Variants in BBS7 observed in about 807,000 individuals in gnomAD.
BBS7 encodes BBSome complex member BBS7.
Under a neutral mutation model 90.3 loss-of-function variants are expected in BBS7, and 50 were observed. That is an observed-to-expected ratio of 0.55 (90% CI 0.44 to 0.70). The LOEUF is 0.70. Ranked by LOEUF, BBS7 falls within the 30% of genes least tolerant of loss-of-function variation. BBS7 has a pLI of 0.00. For missense variants in BBS7, 729 were observed against 838.9 expected, an observed-to-expected ratio of 0.87 and a Z score of 1.62; for synonymous variants, 235 against 287.4, an observed-to-expected ratio of 0.82 and a Z score of 1.85.
chr4:121,847,028 T>A (rs1025403898), intron 10 of BBS7, among the ~76,000 whole-genome samples: 1 of 151,932 alleles, frequency 6.6e-6, no homozygotes, highest in African/African-American at 2.4e-5. Context: ...TTCAGAAGGG[T>A]CCACAGGAAC....
intron 2 of BBS7, among the ~76,000 whole-genome samples, chr4:121,866,616 T>TG (rs1289105569): frequency 2.0e-5 from 3 of 152,060 alleles, no homozygotes; most frequent in Non-Finnish European, 4.4e-5. Flanking sequence ...GGGTGAGAGG[T>TG]GGGGGTCTTG....
chr4:121,850,500 C>T (rs80072303), intron 8 of BBS7, among the ~76,000 whole-genome samples: 7,104 of 152,076 alleles, frequency 0.047, 531 homozygotes, highest in African/African-American at 0.16. Context: ...TCTAGGTAAG[C>T]GGCTTTCAAG....
chr4:121,858,052 C>T (rs905389776), intron 5 of BBS7, among the ~76,000 whole-genome samples: 3 of 152,120 alleles, frequency 2.0e-5, no homozygotes, highest in African/African-American at 7.2e-5. Flanking sequence ...ATGATCTTCC[C>T]GTCTCAGCCT....
At chr4:121,833,806 GT>G (rs1725316134) in intron 14 of BBS7, among the ~76,000 whole-genome samples, 1 of 151,872 alleles carries the variant, frequency 6.6e-6, no homozygotes, top group Non-Finnish European at 1.5e-5. Context: ...GCTTCCCAAA[GT>G]GCTGGGATTA....
At chr4:121,863,450 GAGA>G (rs1727093417) in intron 2 of BBS7, among the ~76,000 whole-genome samples, 171 bp from the exon 3 acceptor site, 1 of 152,124 alleles carries the variant, frequency 6.6e-6, no homozygotes, top group African/African-American at 2.4e-5. Flanking sequence ...AGAGCCAAAA[GAGA>G]AGGATATGGA....
Position 121,835,232 on chromosome 4 carries a change from T to G in BBS7, c.1423A>C (p.Arg475=), listed in dbSNP as rs749558405. 1 of 1,613,934 alleles carries G rather than the reference T, an allele frequency of 6.2e-7. No homozygotes were observed. The highest frequency in any genetic ancestry group is 1.7e-4 in the Middle Eastern group (1 of 6,060). The change falls in exon 14 of 19, where the codon AGA becomes CGA. Residue 475 remains arginine, a synonymous_variant. Transcript: ENST00000264499. ...ACCTGACAGGTTTTGGGTTGAATTC[T>G]TGGAGTCACATATGCTTGTAGTGTG... ...YGTLQAYVTP[R]IQPKTCQVRQ... is the part of the protein sequence containing the mutation.
At position 121,828,198 on chromosome 4, in the gene BBS7, A is replaced by T. The variant is rs1257744159; in HGVS notation, c.1962T>A (p.Asp654Glu). The change falls in exon 18 of 19, where the codon GAT becomes GAA. Residue 654 changes from aspartate to glutamate, a missense_variant. By Grantham distance (45) the Asp-to-Glu change is conservative. Coordinates refer to ENST00000264499, the MANE Select transcript of BBS7 (RefSeq NM_176824.3). ...GCTTTTTGTATTCTTCCTGTAGGTG[A>T]TCTGCCTCTTCTAGAATACAGTGAT... ...PEYHCILEEA[D>E]HLQEEYKKQP... is the part of the protein sequence containing the mutation. 2 of 1,613,878 alleles carry T rather than the reference A, an allele frequency of 1.2e-6. No individual in the cohort carries two copies. Among genetic ancestry groups the T allele is most frequent in the South Asian group, 2.2e-5 (2 of 91,078 alleles).
rs1726075423 is a variant in BBS7, at chr4:121,847,496, T to G, written c.945A>C (p.Thr315=). The part of the protein sequence containing the change: ...IVVSTYSGWV[T]GLTTEPIHKE... Reference sequence around the variant, plus strand: ...TATGAATGGGCTCTGTTGTCAGACCTGTAACCCAGCCTGTAGAGATGAATT... The same window carrying G: ...TATGAATGGGCTCTGTTGTCAGACCGGTAACCCAGCCTGTAGAGATGAATT... Residue 315 remains threonine (T), a synonymous_variant, in exon 10 of 19, where the codon ACA becomes ACC. Coordinates refer to ENST00000264499, the MANE Select transcript of BBS7 (RefSeq NM_176824.3). 1.9e-6 allele frequency: 3 copies of G among 1,611,350 alleles called. No individual in the cohort carries two copies. The highest frequency in any genetic ancestry group is 2.5e-6 in the Non-Finnish European group (3 of 1,177,714).
chr4:121,846,864 C>A (rs999753199), intron 10 of BBS7, among the ~76,000 whole-genome samples: 1 of 152,206 alleles, frequency 6.6e-6, no homozygotes, highest in African/African-American at 2.4e-5. Flanking sequence ...GCAACTCCCA[C>A]GTCTTCGTTG....
At chr4:121,831,253 A>G (rs1161826730) in intron 15 of BBS7, among the ~76,000 whole-genome samples, 2 of 152,064 alleles carry the variant, frequency 1.3e-5, no homozygotes, top group African/African-American at 2.4e-5. Context: ...CTTTAAGCAG[A>G]TAACAATAAA....
chr4:121,825,710 G>T lies in BBS7; in HGVS notation c.*150C>A, dbSNP rs1219649213. The T allele has an allele frequency of 1.5e-5, 10 of 647,040 alleles. No individual in the cohort carries two copies. Among genetic ancestry groups the T allele is most frequent in the Non-Finnish European group, 2.4e-5 (10 of 419,002 alleles). 40.1% of individuals were successfully genotyped at this position (647,040 alleles called of 1,614,324 possible). A position where few individuals can be genotyped will look rare whatever the true frequency, so the allele number is the denominator to read the frequency against. ...GTTCAATTTGTCAAAAGAAATAGAA[G>T]CATTACTTTAAAAAGCCATTATATC... On this transcript the variant is annotated 3_prime_UTR_variant, in exon 19 of 19. Transcript: ENST00000264499.
intron 8 of BBS7, among the ~76,000 whole-genome samples, chr4:121,850,097 C>T (rs1726235754): frequency 6.6e-6 from 1 of 151,814 alleles, no homozygotes; most frequent in Non-Finnish European, 1.5e-5. Context: ...GGTAACTCAA[C>T]TAGGAATCTG....
chr4:121,863,953 G>C (rs1329910462), intron 2 of BBS7, among the ~76,000 whole-genome samples: 1 of 152,204 alleles, frequency 6.6e-6, no homozygotes, highest in African/African-American at 2.4e-5. Flanking sequence ...CTGGGTACCA[G>C]GCCACACAGC....
chr4:121,825,577 T>A lies in BBS7; in HGVS notation c.*283A>T. 1 of 313,926 alleles carries A rather than the reference T, an allele frequency of 3.2e-6. No individual in the cohort carries two copies. Among genetic ancestry groups the A allele is most frequent in the South Asian group, 4.8e-5 (1 of 20,664 alleles). 19.4% of individuals were successfully genotyped at this position (313,926 alleles called of 1,614,324 possible). ...TATATTTTAATTTTCCACATATTAC[T>A]TCTCAATTTAAAAATTAAAACAGCC... On this transcript the variant is annotated 3_prime_UTR_variant, in exon 19 of 19. Transcript: ENST00000264499.
rs1010896817 is a variant in BBS7 at position 121,842,593 on chromosome 4, G to A, written c.1305+1334C>T. ...CGAGGCTGCAGCGAGCCATGATCAC[G>A]CCACTGCACTCCAGCCTGGGCAACA... On this transcript the variant is annotated intron_variant, in intron 12 of 18. Transcript: ENST00000264499. Among the ~76,000 whole-genome samples the A allele has an allele frequency of 6.2e-4, 95 of 152,182 alleles. 1 individual carries two copies. Among genetic ancestry groups the A allele is most frequent in the African/African-American group, 2.1e-3 (89 of 41,520 alleles).
At chr4:121,868,465 T>C (rs1299608456) in intron 1 of BBS7, among the ~76,000 whole-genome samples, 1 of 151,904 alleles carries the variant, frequency 6.6e-6, no homozygotes, top group Non-Finnish European at 1.5e-5. Flanking sequence ...GGAGGATCAC[T>C]TGAGCCCAGG....
Position 121,832,604 on chromosome 4 carries a change from G to A in BBS7, c.1676+627C>T, listed in dbSNP as rs549974628. ...TTAGAAGTGATGGTGGAGGAGCGAG[G>A]GGTGCAACTAGAAGCTTGAGAAGCG... On this transcript the variant is annotated intron_variant, in intron 15 of 18. Coordinates refer to ENST00000264499, the MANE Select transcript of BBS7 (RefSeq NM_176824.3). Among the ~76,000 whole-genome samples, 22 of 152,228 alleles carry A rather than the reference G, an allele frequency of 1.4e-4. No homozygotes were observed. The East Asian group carries it at 4.1e-3, about 28-fold the overall frequency.
chr4:121,843,399 G>C (rs1725841512), intron 12 of BBS7, among the ~76,000 whole-genome samples: 1 of 152,144 alleles, frequency 6.6e-6, no homozygotes, highest in African/African-American at 2.4e-5. Context: ...TAAGGGCCTG[G>C]ACTAAGTTAA....
Position 121,870,460 on chromosome 4 carries a change from A to C in BBS7, c.-147T>G, listed in dbSNP as rs980927752. ...ACCGCGCCTAGGTCCTGGGCTGCAC[A>C]GGCGGGGCGACAGGGCAGTGGCGTC... On this transcript the variant is annotated 5_prime_UTR_variant, in exon 1 of 19. Transcript: ENST00000264499. 4 of 836,146 alleles carry C rather than the reference A, an allele frequency of 4.8e-6. No individual in the cohort carries two copies. The highest frequency in any genetic ancestry group is 3.4e-5 in the African/African-American group (2 of 59,448). The allele number at this position is 836,146 out of a possible 1,614,324, so 51.8% of individuals were successfully genotyped here. A position where few individuals can be genotyped will look rare whatever the true frequency, so the allele number is the denominator to read the frequency against.
Sources: allele counts gnomAD v4.1 joint callset (sites outside exome capture counted in the v4.1 genomes callset), GRCh38; gene constraint gnomAD v4.1.1; transcripts MANE v1.5; gene names NCBI Gene and HGNC (gene_info 2026-07-23, HGNC 2026-07-21).